The following CHD9 variants were observed in gnomAD, a reference collection of about 807,000 sequenced individuals.
CHD9 encodes the protein chromodomain helicase DNA binding protein 9, also known as ATP-dependent chromatin remodeler CHD9.
A neutral mutation model predicts 316.1 loss-of-function variants in CHD9; 77 were observed. That is an observed-to-expected ratio of 0.24 (90% CI 0.20 to 0.29). The LOEUF is 0.29. Among genes scored for constraint, CHD9 ranks in the 10% least tolerant of loss-of-function variants. The probability of loss-of-function intolerance (pLI) is 1.00; values close to 1 mark genes in which losing one functional copy is unlikely to be tolerated. For missense variants in CHD9, 2,763 were observed against 3,438.1 expected (o/e 0.80, Z 4.91); for synonymous variants, 1,129 against 1,158.3 (o/e 0.97, Z 0.51).
chr16:53,254,860 A>G (rs1187170048), intron 18 of CHD9, among the ~76,000 whole-genome samples: 1 of 152,230 alleles, frequency 6.6e-6, no homozygotes, highest in Non-Finnish European at 1.5e-5. Context: ...GGACATTTGT[A>G]TGATGGCATA....
At chr16:53,072,025 C>A (rs1439623926) in intron 1 of CHD9, among the ~76,000 whole-genome samples, 1 of 152,192 alleles carries the variant, frequency 6.6e-6, no homozygotes, top group Non-Finnish European at 1.5e-5. Context: ...AACACAGACA[C>A]ACATGCATGC....
intron 8 of CHD9, 44 bp from the exon 9 acceptor site, chr16:53,231,375 C>A: frequency 9.0e-7 from 1 of 1,115,768 alleles, no homozygotes; most frequent in Non-Finnish European, 1.3e-6. Flanking sequence ...TTTTATCATT[C>A]CAGTTCTTTG....
rs1386761630 is a variant in CHD9 at position 53,156,608 on chromosome 16, G to A, written c.519G>A (p.Gln173=). 1 of 1,613,914 alleles carries A rather than the reference G, an allele frequency of 6.2e-7. No individual in the cohort carries two copies. The highest frequency in any genetic ancestry group is 8.5e-7 in the Non-Finnish European group (1 of 1,179,876). Residue 173 remains glutamine, a synonymous_variant, in exon 2 of 39, where the codon CAG becomes CAA. Coordinates refer to ENST00000447540, the MANE Select transcript of CHD9 (RefSeq NM_001308319.2). ...ALFQANEQQT[Q]CTSLRSQQNR... ...TTCAGGCCAATGAACAACAAACACA[G>A]TGTACTTCACTACGCTCACAACAAA...
intron 20 of CHD9, among the ~76,000 whole-genome samples, chr16:53,266,315 A>G (rs1055172619): frequency 6.6e-6 from 1 of 152,300 alleles, no homozygotes; most frequent in African/African-American, 2.4e-5. Flanking sequence ...AATATAATGC[A>G]TTCCATACAT....
rs2037403850 is a variant in CHD9, at chr16:53,106,914, T to C, written c.-164-49012T>C. On this transcript the variant is annotated intron_variant, in intron 1 of 38. Coordinates refer to ENST00000447540, the MANE Select transcript of CHD9 (RefSeq NM_001308319.2). ...GCTCCAGGGCACTGGTTGACCAAAT[T>C]ATGGAATACAAGAAAATCATTTTTA... Among the ~76,000 whole-genome samples the C allele has an allele frequency of 2.6e-5, 4 of 152,128 alleles. No homozygotes were observed. The South Asian group carries it at 8.3e-4, about 32-fold the overall frequency.
At chr16:53,115,916 G>A (rs1380777375) in intron 1 of CHD9, among the ~76,000 whole-genome samples, 1 of 152,184 alleles carries the variant, frequency 6.6e-6, no homozygotes, top group Non-Finnish European at 1.5e-5. Flanking sequence ...GCTGTACCTA[G>A]AGCCAGTGGT....
chr16:53,209,778 A>G lies in CHD9; in HGVS notation c.1749A>G (p.Lys583=). 6.2e-7 allele frequency: 1 copy of G among 1,600,840 alleles called. No individual in the cohort carries two copies. The highest frequency in any genetic ancestry group is 1.3e-5 in the African/African-American group (1 of 74,300). The change falls in exon 3 of 39, where the codon AAA becomes AAG. Residue 583 remains lysine (K), a synonymous_variant. Coordinates refer to ENST00000447540, the MANE Select transcript of CHD9 (RefSeq NM_001308319.2). ...KPKDKDSKKT[K]TCSKLKEKTK... ...AGGACAAAGACAGCAAAAAAACAAA[A>G]ACATGTTCTAAGTTAAAAGAGAAGA...
In CHD9 at chr16:53,242,960, C is replaced by T; in HGVS notation, c.2998C>T (p.His1000Tyr). The stretch of plus-strand genomic sequence containing the variant: ...GCGATGTGTGATTATTGATGAAGCA[C>T]ATAGGTTAAAAAATAAAAATTGTAA... ...EWRCVIIDEAHRLKNKNCKLL... is the reference protein window; with the variant it reads ...EWRCVIIDEAYRLKNKNCKLL... Residue 1000 changes from histidine to tyrosine, a missense_variant, in exon 13 of 39, where the codon CAT becomes TAT. Physicochemically the swap from His to Tyr is moderately conservative, Grantham distance 83 (BLOSUM62 2). Coordinates refer to ENST00000447540, the MANE Select transcript of CHD9 (RefSeq NM_001308319.2). The T allele has an allele frequency of 6.2e-7, 1 of 1,612,700 alleles. No individual in the cohort carries two copies. Among genetic ancestry groups the T allele is most frequent in the Non-Finnish European group, 8.5e-7 (1 of 1,179,104 alleles).
intron 3 of CHD9, 76 bp from the exon 4 acceptor site, chr16:53,222,568 C>A: frequency 2.9e-6 from 2 of 697,900 alleles, no homozygotes; most frequent in Non-Finnish European, 2.5e-6. Context: ...GAAAGTTTAT[C>A]ATGACAATCT....
At chr16:53,171,137 C>T (rs1047501545) in intron 2 of CHD9, among the ~76,000 whole-genome samples, 4 of 152,218 alleles carry the variant, frequency 2.6e-5, no homozygotes, top group East Asian at 1.9e-4. Flanking sequence ...AGGCCAGGTG[C>T]GGTGGCTCAC....
chr16:53,285,749 T>C, intron 25 of CHD9, 50 bp downstream of exon 25: 2 of 946,944 alleles, frequency 2.1e-6, no homozygotes. Context: ...ATAAGGCAGT[T>C]CTGTCAGTTC....
intron 1 of CHD9, among the ~76,000 whole-genome samples, chr16:53,120,562 G>A (rs186450960): frequency 1.7e-4 from 26 of 151,960 alleles, no homozygotes; most frequent in African/African-American, 5.3e-4. Context: ...ATGGTAAGCC[G>A]AGATCGCACC....
At chr16:53,229,536 T>G (rs1317541639) in intron 8 of CHD9, among the ~76,000 whole-genome samples, 1 of 152,204 alleles carries the variant, frequency 6.6e-6, no homozygotes, top group Non-Finnish European at 1.5e-5. Flanking sequence ...TAGGCCTGAC[T>G]AAATGGTCTG....
At position 53,242,785 on chromosome 16, in the gene CHD9, T is replaced by TA. The variant is rs1251944546; in HGVS notation, c.2878-49dup. 4 of 1,496,072 alleles carry TA rather than the reference T, an allele frequency of 2.7e-6. No individual in the cohort carries two copies. The African/African-American group carries it at 5.6e-5, about 21-fold the overall frequency. The allele number at this position is 1,496,072 out of a possible 1,614,324, so 92.7% of individuals were successfully genotyped here. A position where few individuals can be genotyped will look rare whatever the true frequency, so the allele number is the denominator to read the frequency against. Reference sequence around the variant, plus strand: ...GTTATCTGATGCCACTTGACAGGAATAAAAAATATGCAATTAAAATATTCC... The same window carrying TA: ...GTTATCTGATGCCACTTGACAGGAATAAAAAAATATGCAATTAAAATATTCC... On this transcript the variant is annotated intron_variant, in intron 12 of 38. Transcript: ENST00000447540.
intron 8 of CHD9, among the ~76,000 whole-genome samples, chr16:53,230,203 A>G (rs118144862): frequency 0.028 from 4,291 of 152,350 alleles, 110 homozygotes; most frequent in Non-Finnish European, 0.045. Context: ...AGTGAATGAT[A>G]TAAGATGGTA....
At chr16:53,293,829 T>A (rs1278140437) in intron 29 of CHD9, among the ~76,000 whole-genome samples, 2 of 151,900 alleles carry the variant, frequency 1.3e-5, no homozygotes, top group Non-Finnish European at 2.9e-5. Context: ...GCACCTTTAA[T>A]CCCAGCTACT....
chr16:53,088,249 A>C (rs1274088856), intron 1 of CHD9, among the ~76,000 whole-genome samples: 5 of 147,542 alleles, frequency 3.4e-5, no homozygotes, highest in Non-Finnish European at 6.0e-5. Context: ...TGAAACAATC[A>C]CTGTAATCAA....
At chr16:53,150,108 TTATTGATAAAGAAAACA>T (rs2040976880) in intron 1 of CHD9, among the ~76,000 whole-genome samples, 2 of 152,122 alleles carry the variant, frequency 1.3e-5, no homozygotes, top group Admixed American at 6.5e-5. Flanking sequence ...TTTAAAGTAA[TTATTGATAAAGAAAACA>T]TACTTCTGTT....
chr16:53,323,331 T>A (rs773032758), intron 38 of CHD9, among the ~76,000 whole-genome samples: 5 of 152,258 alleles, frequency 3.3e-5, no homozygotes, highest in Non-Finnish European at 7.3e-5. Flanking sequence ...AAGTTACATA[T>A]GTGGCTTACA....
Sources: gnomAD v4.1 joint callset for allele counts (sites outside exome capture counted in the v4.1 genomes callset) on GRCh38, gnomAD v4.1.1 for gene constraint, MANE v1.5 for transcripts, NCBI Gene and HGNC (gene_info 2026-07-23, HGNC 2026-07-21) for gene names.